The following INPP4B variants were observed in gnomAD, a reference collection of about 807,000 sequenced individuals.
The protein encoded by INPP4B is inositol polyphosphate-4-phosphatase type II B.
A neutral mutation model predicts 122.5 loss-of-function variants in INPP4B; 55 were observed. The ratio of observed to expected loss-of-function variants is 0.45; its 90% CI spans 0.36 to 0.56. The LOEUF (loss-of-function observed/expected upper bound fraction) is 0.56, where lower values mean the gene tolerates loss of function less well. Ranked by LOEUF, INPP4B falls within the 20% of genes least tolerant of loss-of-function variation. The probability of loss-of-function intolerance (pLI) is 0.00; values close to 1 mark genes in which losing one functional copy is unlikely to be tolerated. For missense variants in INPP4B, 1,000 were observed against 1,097.7 expected, an observed-to-expected ratio of 0.91 and a Z score of 1.26; for synonymous variants, 403 against 388.7, an observed-to-expected ratio of 1.04 and a Z score of -0.43.
intron 23 of INPP4B, among the ~76,000 whole-genome samples, chr4:142,105,337 C>T (rs1012622799): frequency 2.0e-5 from 3 of 152,142 alleles, no homozygotes; most frequent in Admixed American, 6.6e-5. Flanking sequence ...TTCCCCTATC[C>T]GCAATTACTA....
intron 7 of INPP4B, among the ~76,000 whole-genome samples, chr4:142,335,108 GAAAAAAAAAAAAAA>G (rs36074851): frequency 1.5e-5 from 1 of 65,164 alleles, no homozygotes; most frequent in Non-Finnish European, 2.7e-5. Context: ...TGGGAAAAAT[GAAAAAAAAAAAAAA>G]AAAAAAAAAA....
At chr4:142,724,408 C>G (rs958967010) in intron 2 of INPP4B, among the ~76,000 whole-genome samples, 7 of 152,202 alleles carry the variant, frequency 4.6e-5, no homozygotes, top group Non-Finnish European at 7.4e-5. Context: ...TTCTCTTTCT[C>G]TCTTTACTGT....
chr4:142,259,498 G>C (rs1368721165), intron 11 of INPP4B, among the ~76,000 whole-genome samples: 1 of 151,404 alleles, frequency 6.6e-6, no homozygotes, highest in East Asian at 1.9e-4. Flanking sequence ...TCTAGGTACA[G>C]GATTAAAAAC....
chr4:142,098,203 T>C (rs377376718), intron 23 of INPP4B, among the ~76,000 whole-genome samples: 1 of 151,836 alleles, frequency 6.6e-6, no homozygotes, highest in African/African-American at 2.4e-5. Context: ...AAGAGGTCCA[T>C]GGGGGGCAGA....
At chr4:142,388,036 C>T (rs1378964217) in intron 7 of INPP4B, among the ~76,000 whole-genome samples, 1 of 152,220 alleles carries the variant, frequency 6.6e-6, no homozygotes. Context: ...TGATTCTCTT[C>T]CCCTTCCACA....
rs1264095190 is a variant in INPP4B, at chr4:142,027,497, A to G, written c.*1285T>C. The stretch of plus-strand genomic sequence containing the variant: ...AAGTTTCATTCGTTCAGACTTTTGT[A>G]CTCTTAGTTTCAATTCCAGTGATAA... On this transcript the variant is annotated 3_prime_UTR_variant, in exon 26 of 26. Transcript: ENST00000262992. The G allele has an allele frequency of 6.6e-6, 1 of 152,184 alleles. No homozygotes were observed. The highest frequency in any genetic ancestry group is 1.9e-4 in the East Asian group (1 of 5,198). The allele number at this position is 152,184 out of a possible 1,614,324, so 9.4% of individuals were successfully genotyped here.
At chr4:142,391,878 A>C (rs1205683349) in intron 7 of INPP4B, among the ~76,000 whole-genome samples, 2 of 152,274 alleles carry the variant, frequency 1.3e-5, no homozygotes, top group East Asian at 3.9e-4. Context: ...TTATGAAGGG[A>C]TTTTATTCAA....
At chr4:142,722,658 C>A (rs1245399787) in intron 2 of INPP4B, among the ~76,000 whole-genome samples, 1 of 152,086 alleles carries the variant, frequency 6.6e-6, no homozygotes, top group Non-Finnish European at 1.5e-5. Flanking sequence ...AATCACTTCT[C>A]CATAAAAATG....
chr4:142,588,715 T>C (rs1736776363), intron 2 of INPP4B, among the ~76,000 whole-genome samples: 3 of 151,672 alleles, frequency 2.0e-5, no homozygotes, highest in Non-Finnish European at 4.4e-5. Flanking sequence ...TGAAAAGATA[T>C]CCCATGCTCA....
At chr4:142,188,660 T>A (rs1288268100) in intron 15 of INPP4B, among the ~76,000 whole-genome samples, 6 of 149,006 alleles carry the variant, frequency 4.0e-5, no homozygotes, top group Non-Finnish European at 7.4e-5. Flanking sequence ...AAAAAAAAAA[T>A]CCAAGTAGGG....
At chr4:142,474,081 A>AACACTTGC (rs1429119664) in intron 2 of INPP4B, 1 of 152,272 alleles carries the variant, frequency 6.6e-6, no homozygotes. Context: ...CCAGGTGGGC[A>AACACTTGC]ACACTTGCTA....
chr4:142,689,822 C>A (rs1759904348), intron 2 of INPP4B, among the ~76,000 whole-genome samples: 1 of 152,106 alleles, frequency 6.6e-6, no homozygotes, highest in Non-Finnish European at 1.5e-5. Flanking sequence ...TTATGCGCAG[C>A]TAATTCTTTT....
chr4:142,832,709 T>A (rs1312434166), intron 1 of INPP4B, among the ~76,000 whole-genome samples: 2 of 152,130 alleles, frequency 1.3e-5, no homozygotes, highest in Non-Finnish European at 2.9e-5. Context: ...TAAATTTAAT[T>A]TAATTGCTTT....
intron 7 of INPP4B, 139 bp from the exon 8 acceptor site, chr4:142,314,901 C>A (rs1766916148): frequency 1.5e-6 from 1 of 685,358 alleles, no homozygotes. Flanking sequence ...CACCTGTGTG[C>A]AACACCTGCG....
intron 25 of INPP4B, among the ~76,000 whole-genome samples, chr4:142,043,070 C>T (rs188256259): frequency 6.6e-6 from 1 of 152,242 alleles, no homozygotes; most frequent in Admixed American, 6.5e-5. Flanking sequence ...AGTTTTTGTC[C>T]TTGGAAGTAT....
chr4:142,039,780 A>C (rs1746171775), intron 25 of INPP4B, among the ~76,000 whole-genome samples: 1 of 152,150 alleles, frequency 6.6e-6, no homozygotes, highest in Non-Finnish European at 1.5e-5. Flanking sequence ...AATCTTGTGA[A>C]GTGTTTAAGG....
intron 18 of INPP4B, among the ~76,000 whole-genome samples, chr4:142,140,617 G>A (rs1360673013): frequency 6.6e-6 from 1 of 152,156 alleles, no homozygotes; most frequent in Non-Finnish European, 1.5e-5. Flanking sequence ...GAAAGAAACA[G>A]GTATTTATTA....
At chr4:142,507,021 T>C (rs180840101) in intron 2 of INPP4B, among the ~76,000 whole-genome samples, 31 of 152,306 alleles carry the variant, frequency 2.0e-4, no homozygotes, top group Admixed American at 2.0e-3. Flanking sequence ...TCATGTACAT[T>C]GTTCTCTTTT....
intron 2 of INPP4B, among the ~76,000 whole-genome samples, chr4:142,528,453 G>A (rs2149970822): frequency 6.6e-6 from 1 of 152,186 alleles, no homozygotes; most frequent in Admixed American, 6.6e-5. Context: ...CCTATTGGCT[G>A]GAGACCACTC....
Sources: gnomAD v4.1 joint callset for allele counts (sites outside exome capture counted in the v4.1 genomes callset) on GRCh38, gnomAD v4.1.1 for gene constraint, MANE v1.5 for transcripts, NCBI Gene and HGNC (gene_info 2026-07-23, HGNC 2026-07-21) for gene names.